ARHGAP24: variants seen among roughly 807,000 people sequenced by gnomAD.
ARHGAP24 encodes the protein rho GTPase-activating protein 24.
In ARHGAP24, 50 loss-of-function variants were observed where a neutral mutation model predicts 76.4. The ratio of observed to expected loss-of-function variants is 0.65; its 90% CI spans 0.52 to 0.83. ARHGAP24 has a LOEUF of 0.83. Ranked by LOEUF, ARHGAP24 falls within the 40% of genes least tolerant of loss-of-function variation. ARHGAP24 has a pLI of 0.00. For synonymous variants in ARHGAP24, 345 were observed against 323.3 expected (o/e 1.07, Z -0.72); for missense variants, 930 against 914.2 (o/e 1.02, Z -0.22).
intron 3 of ARHGAP24, among the ~76,000 whole-genome samples, chr4:85,749,136 T>C (rs1726159639): frequency 6.6e-6 from 1 of 152,180 alleles, no homozygotes; most frequent in South Asian, 2.1e-4. Context: ...GGCATCAGGA[T>C]AGGGACTTGC....
At chr4:85,544,665 T>TACATACATATATGTATATATATATACAC in intron 1 of ARHGAP24, among the ~76,000 whole-genome samples, 1 of 152,194 alleles carries the variant, frequency 6.6e-6, no homozygotes, top group Admixed American at 6.5e-5. Context: ...GCCATTTATA[T>TACATACATATATGTATATATATATACAC]ACATACATAT....
At chr4:85,868,455 C>A (rs906154278) in intron 3 of ARHGAP24, among the ~76,000 whole-genome samples, 7 of 152,150 alleles carry the variant, frequency 4.6e-5, no homozygotes, top group Non-Finnish European at 1.0e-4. Context: ...AATTTCCCCA[C>A]AAGAGACAGC....
intron 3 of ARHGAP24, among the ~76,000 whole-genome samples, chr4:85,885,641 A>T (rs181538500): frequency 6.6e-6 from 1 of 152,124 alleles, no homozygotes; most frequent in South Asian, 2.1e-4. Flanking sequence ...ATACTTATTT[A>T]TATCTTTTAA....
At chr4:85,683,117 T>TGGGGGGGGGGGGGGGGGGG (rs201448168) in intron 2 of ARHGAP24, among the ~76,000 whole-genome samples, 23 of 56,928 alleles carry the variant, frequency 4.0e-4, no homozygotes, top group Non-Finnish European at 6.4e-4. Context: ...TGTGGGGGGG[T>TGGGGGGGGGGGGGGGGGGG]GGGGGGGGGG....
chr4:85,803,985 T>C (rs774617951), intron 3 of ARHGAP24, among the ~76,000 whole-genome samples: 2 of 151,316 alleles, frequency 1.3e-5, no homozygotes, highest in Non-Finnish European at 2.9e-5. Flanking sequence ...GAAGTCTTGC[T>C]CTGTCACCCA....
chr4:85,912,555 T>G (rs1286991928), intron 3 of ARHGAP24, among the ~76,000 whole-genome samples: 1 of 152,214 alleles, frequency 6.6e-6, no homozygotes, highest in Non-Finnish European at 1.5e-5. Flanking sequence ...TTTTGTGCTA[T>G]CATAGTATTT....
At chr4:85,971,987 T>C in intron 5 of ARHGAP24, 49 bp from the exon 6 acceptor site, 2 of 1,613,416 alleles carry the variant, frequency 1.2e-6, no homozygotes, top group Non-Finnish European at 1.7e-6. Flanking sequence ...ATAAATAGAA[T>C]GGTATGAAGT....
chr4:85,712,000 A>C (rs188466157), intron 2 of ARHGAP24, among the ~76,000 whole-genome samples: 1 of 152,264 alleles, frequency 6.6e-6, no homozygotes, highest in East Asian at 1.9e-4. Flanking sequence ...ATGAGACACA[A>C]ACTTCAAAAC....
intron 1 of ARHGAP24, among the ~76,000 whole-genome samples, chr4:85,487,873 T>C (rs1324728115): frequency 1.6e-5 from 2 of 124,742 alleles, no homozygotes; most frequent in South Asian, 2.2e-4. Context: ...ATTATATAAA[T>C]ATATAATATA....
intron 4 of ARHGAP24, among the ~76,000 whole-genome samples, 172 bp from the exon 5 acceptor site, chr4:85,941,894 T>C (rs1226053527): frequency 6.6e-6 from 1 of 152,152 alleles, no homozygotes; most frequent in African/African-American, 2.4e-5. Context: ...ATCATACCAT[T>C]TGAGGAATTG....
chr4:85,874,842 T>A (rs58844383), intron 3 of ARHGAP24, among the ~76,000 whole-genome samples: 7 of 106,686 alleles, frequency 6.6e-5, no homozygotes, highest in African/African-American at 2.5e-4. Context: ...AAATATATTT[T>A]TATATAATTT....
At chr4:85,696,376 A>G (rs547323323) in intron 2 of ARHGAP24, among the ~76,000 whole-genome samples, 30 of 152,212 alleles carry the variant, frequency 2.0e-4, no homozygotes, top group African/African-American at 5.3e-4. Context: ...AGTGTCTAAC[A>G]TTCAGATTGG....
At chr4:85,999,161 G>A (rs1740858242) in intron 9 of ARHGAP24, among the ~76,000 whole-genome samples, 1 of 152,052 alleles carries the variant, frequency 6.6e-6, no homozygotes, top group Non-Finnish European at 1.5e-5. Context: ...TGTTTTGTAA[G>A]GGTTGTCCTT....
chr4:85,801,058 G>A (rs1281492648), intron 3 of ARHGAP24, among the ~76,000 whole-genome samples: 2 of 152,114 alleles, frequency 1.3e-5, no homozygotes, highest in Admixed American at 6.5e-5. Flanking sequence ...TGCCTCAAAT[G>A]TGAACTATGG....
At chr4:85,675,157 A>G (rs1402618195) in intron 2 of ARHGAP24, among the ~76,000 whole-genome samples, 2 of 152,220 alleles carry the variant, frequency 1.3e-5, no homozygotes, top group African/African-American at 4.8e-5. Context: ...TAAAGGCTGC[A>G]TGTAGCAGAA....
intron 3 of ARHGAP24, among the ~76,000 whole-genome samples, chr4:85,854,146 AAAAAAAAAAG>A (rs1191328334): frequency 9.8e-5 from 14 of 143,112 alleles, no homozygotes; most frequent in East Asian, 7.7e-4. Flanking sequence ...AAAAAAAAAA[AAAAAAAAAAG>A]AAAAAAAAGG....
chr4:85,612,792 C>CTTTTTTTTTTTTTTTTT (rs70948739), intron 2 of ARHGAP24, among the ~76,000 whole-genome samples: 2 of 82,782 alleles, frequency 2.4e-5, no homozygotes, highest in Admixed American at 1.8e-4. Flanking sequence ...CTTTCCATTC[C>CTTTTTTTTTTTTTTTTT]TTTTTTTTTT....
At chr4:85,867,885 A>ATG (rs1399369232) in intron 3 of ARHGAP24, among the ~76,000 whole-genome samples, 1 of 97,624 alleles carries the variant, frequency 1.0e-5, no homozygotes, top group African/African-American at 3.6e-5. Context: ...AACATATATA[A>ATG]TGTGTGTGTG....
intron 3 of ARHGAP24, chr4:85,779,038 T>G (rs998174499): frequency 2.1e-6 from 2 of 939,506 alleles, no homozygotes; most frequent in African/African-American, 3.6e-5. Context: ...TCATTTGACC[T>G]TTTTTTCCTC....
Sources: allele counts gnomAD v4.1 joint callset (sites outside exome capture counted in the v4.1 genomes callset), GRCh38; gene constraint gnomAD v4.1.1; transcripts MANE v1.5; gene names NCBI Gene and HGNC (gene_info 2026-07-23, HGNC 2026-07-21).